ABHD6: variants seen among roughly 807,000 people sequenced by gnomAD.
The protein encoded by ABHD6 is abhydrolase domain containing 6, acylglycerol lipase.
In ABHD6, 33 loss-of-function variants were observed where a neutral mutation model predicts 38.8. The observed-to-expected ratio is 0.85, with a 90% CI of 0.64 to 1.14. ABHD6 has a LOEUF of 1.14. Among genes scored for constraint, ABHD6 ranks in the 50% most tolerant of loss-of-function variants. The pLI, the probability that ABHD6 is intolerant of heterozygous loss-of-function variation, is 0.00. For synonymous variants in ABHD6, 147 were observed against 161.6 expected, an observed-to-expected ratio of 0.91 and a Z score of 0.69; for missense variants, 380 against 422.6, an observed-to-expected ratio of 0.90 and a Z score of 0.88.
chr3:58,274,177 C>T (rs552615380), intron 6 of ABHD6, among the ~76,000 whole-genome samples: 1 of 152,288 alleles, frequency 6.6e-6, no homozygotes, highest in Non-Finnish European at 1.5e-5. Context: ...GAGAGTACCA[C>T]GTGGGTCCAG....
At position 58,257,307 on chromosome 3, in the gene ABHD6, A is replaced by G. The variant is rs2097434078; in HGVS notation, c.119+602A>G. On this transcript the variant is annotated intron_variant, in intron 3 of 9. Transcript: ENST00000478253. This position sits in a 1 kb window ranked among gnomAD's most constrained non-coding sequence, Gnocchi z 4.8. ...ACATTTTTATGGGAACTCCTTTGGT[A>G]TCTTCTTGATCATTGGTTGTTTTTG... 6.6e-6 allele frequency among the ~76,000 whole-genome samples: 1 copy of G among 151,644 alleles called. No individual in the cohort carries two copies. Among genetic ancestry groups the G allele is most frequent in the African/African-American group, 2.4e-5 (1 of 41,288 alleles).
At chr3:58,286,850 G>GCATATATATA (rs1553721726) in intron 9 of ABHD6, among the ~76,000 whole-genome samples, 3 of 72,824 alleles carry the variant, frequency 4.1e-5, no homozygotes, top group African/African-American at 9.4e-5. Context: ...GTGTGTGTGT[G>GCATATATATA]TGTATATATA....
chr3:58,251,315 TA>T lies in ABHD6; in HGVS notation c.-26+1385del, dbSNP rs11381268. Among the ~76,000 whole-genome samples the T allele has an allele frequency of 8.2e-4, 117 of 142,886 alleles. No individual in the cohort carries two copies. The highest frequency in any genetic ancestry group is 7.2e-4 in the Non-Finnish European group (47 of 65,540). 93.7% of individuals were successfully genotyped at this position (142,886 alleles called of 152,430 possible). A position where few individuals can be genotyped will look rare whatever the true frequency, so the allele number is the denominator to read the frequency against. On this transcript the variant is annotated intron_variant, in intron 2 of 9. Transcript: ENST00000478253. The surrounding 1 kb of genome is among the most constrained non-coding windows in gnomAD (Gnocchi z 5.4). ...CTGGCTGACAGAGCGAGACTCCATC[TA>T]AAAAAAAAAAAGAAAGAAAAAAAGA...
At chr3:58,252,573 T>A (rs1361063153) in intron 2 of ABHD6, among the ~76,000 whole-genome samples, 1 of 152,142 alleles carries the variant, frequency 6.6e-6, no homozygotes, top group Non-Finnish European at 1.5e-5. Context: ...TGAAAAGAAC[T>A]GAAAAGAGAT....
chr3:58,260,231 A>T (rs1162144528), intron 3 of ABHD6, among the ~76,000 whole-genome samples: 1 of 152,222 alleles, frequency 6.6e-6, no homozygotes, highest in African/African-American at 2.4e-5. Flanking sequence ...TTTAATTGGC[A>T]GTATGGATGC....
At position 58,270,922 on chromosome 3, in the gene ABHD6, C is replaced by T. The variant is rs199568345; in HGVS notation, c.391-10C>T. The T allele has an allele frequency of 2.8e-5, 44 of 1,596,156 alleles. No individual in the cohort carries two copies. The highest frequency in any genetic ancestry group is 3.4e-5 in the Non-Finnish European group (40 of 1,172,854). On this transcript the variant is annotated splice_polypyrimidine_tract_variant and intron_variant, in intron 5 of 9. Transcript: ENST00000478253. ...GTATAACCAAGCTGCTTTCTCATTT[C>T]CCTTCCTAGTTTGTAGAATGCCTGA...
At chr3:58,288,978 C>G (rs1266938389) in intron 9 of ABHD6, among the ~76,000 whole-genome samples, 1 of 152,024 alleles carries the variant, frequency 6.6e-6, no homozygotes. Context: ...CCTCATTTGC[C>G]TCACCATAGT....
intron 7 of ABHD6, 115 bp from the exon 8 acceptor site, chr3:58,284,970 C>T: frequency 1.1e-6 from 1 of 928,696 alleles, no homozygotes; most frequent in South Asian, 1.4e-5. Flanking sequence ...GCTCTAAAGA[C>T]CTTGACAGTG....
intron 1 of ABHD6, among the ~76,000 whole-genome samples, chr3:58,240,977 G>C (rs1415734761): frequency 6.6e-6 from 1 of 151,988 alleles, no homozygotes; most frequent in African/African-American, 2.4e-5. Context: ...TGATCTGCCC[G>C]CCTCTACCTC....
rs867823111 is a variant in ABHD6, at chr3:58,238,224, C to T, written c.-91+308C>T. ...CTCTTTCTACTTCGCCTCCCCACCC[C>T]CTGCGCCCGCAGCAGCCCTTAGGCG... On this transcript the variant is annotated intron_variant, in intron 1 of 9. Coordinates refer to ENST00000478253, the MANE Select transcript of ABHD6 (RefSeq NM_001320126.2). The surrounding 1 kb of genome is among the most constrained non-coding windows in gnomAD (Gnocchi z 6.9). 5.9e-5 allele frequency: 9 copies of T among 152,630 alleles called. No individual in the cohort carries two copies. Among genetic ancestry groups the T allele is most frequent in the African/African-American group, 2.2e-4 (9 of 41,456 alleles). 9.5% of individuals were successfully genotyped at this position (152,630 alleles called of 1,614,324 possible).
At chr3:58,280,300 T>C (rs1408561177) in intron 7 of ABHD6, among the ~76,000 whole-genome samples, 1 of 152,188 alleles carries the variant, frequency 6.6e-6, no homozygotes, top group Non-Finnish European at 1.5e-5. Flanking sequence ...TTTTACTTTT[T>C]TTTCTCTAAC....
At chr3:58,282,765 G>A (rs1368135930) in intron 7 of ABHD6, among the ~76,000 whole-genome samples, 1 of 151,968 alleles carries the variant, frequency 6.6e-6, no homozygotes, top group Non-Finnish European at 1.5e-5. Context: ...CAAAAACAGA[G>A]GTAGTATATT....
intron 7 of ABHD6, among the ~76,000 whole-genome samples, chr3:58,278,581 T>G (rs1215314742): frequency 6.6e-6 from 1 of 152,204 alleles, no homozygotes; most frequent in Non-Finnish European, 1.5e-5. Flanking sequence ...TTTGAAGGGT[T>G]TTTTGTGTCT....
intron 5 of ABHD6, among the ~76,000 whole-genome samples, chr3:58,270,681 C>T (rs6794472): frequency 6.6e-6 from 1 of 151,942 alleles, no homozygotes; most frequent in East Asian, 1.9e-4. Flanking sequence ...GAAAAGTTTG[C>T]TGACTCATTA....
At position 58,267,680 on chromosome 3, in the gene ABHD6, A is replaced by G. The variant is rs2097442125; in HGVS notation, c.276+335A>G. Among the ~76,000 whole-genome samples, 1 of 152,046 alleles carries G rather than the reference A, an allele frequency of 6.6e-6. No individual in the cohort carries two copies. Among genetic ancestry groups the G allele is most frequent in the Non-Finnish European group, 1.5e-5 (1 of 68,006 alleles). ...CTCTGTCTCAAAAAAAATAAAAATAAAAAAAGGAAGAAGAAGAAAAGGGTT... is the reference window on the plus strand; with the variant it reads ...CTCTGTCTCAAAAAAAATAAAAATAGAAAAAGGAAGAAGAAGAAAAGGGTT... On this transcript the variant is annotated intron_variant, in intron 4 of 9. Transcript: ENST00000478253. This position sits in a 1 kb window ranked among gnomAD's most constrained non-coding sequence, Gnocchi z 4.3.
intron 2 of ABHD6, among the ~76,000 whole-genome samples, chr3:58,253,223 A>C (rs2097431194): frequency 6.6e-6 from 1 of 151,604 alleles, no homozygotes; most frequent in African/African-American, 2.4e-5. Context: ...CCAGTGTCAG[A>C]GTCTATGATA....
At chr3:58,247,897 A>T (rs1333412069) in intron 1 of ABHD6, among the ~76,000 whole-genome samples, 1 of 152,204 alleles carries the variant, frequency 6.6e-6, no homozygotes, top group Non-Finnish European at 1.5e-5. Flanking sequence ...TTCGTTAAAT[A>T]TGCACATAGT....
At chr3:58,245,265 A>G (rs186379123) in intron 1 of ABHD6, among the ~76,000 whole-genome samples, 39 of 152,292 alleles carry the variant, frequency 2.6e-4, no homozygotes, top group African/African-American at 8.9e-4. Context: ...CCCAGGTTCA[A>G]GCGATTCTCC....
chr3:58,258,286 A>T, intron 3 of ABHD6: 1 of 374,984 alleles, frequency 2.7e-6, no homozygotes, highest in South Asian at 1.9e-5. Context: ...CAGCCTGGGC[A>T]ACAAGAGCAG....
Sources: allele counts gnomAD v4.1 joint callset (sites outside exome capture counted in the v4.1 genomes callset), GRCh38; gene constraint gnomAD v4.1.1; non-coding constraint Gnocchi (gnomAD v3.1); transcripts MANE v1.5; gene names NCBI Gene and HGNC (gene_info 2026-07-23, HGNC 2026-07-21).